EPAS1: variants seen among roughly 807,000 people sequenced by gnomAD.
The protein encoded by EPAS1 is endothelial PAS domain-containing protein 1.
Under a neutral mutation model 87.9 loss-of-function variants are expected in EPAS1, and 23 were observed. The ratio of observed to expected loss-of-function variants is 0.26; its 90% CI spans 0.19 to 0.37. The LOEUF (loss-of-function observed/expected upper bound fraction) is 0.37, where lower values mean the gene tolerates loss of function less well. Ranked by LOEUF, EPAS1 falls within the 10% of genes least tolerant of loss-of-function variation. The pLI is 1.00. For synonymous variants in EPAS1, 508 were observed against 444.3 expected (o/e 1.14, Z -1.80); for missense variants, 1,138 against 1,120.7 (o/e 1.02, Z -0.22).
intron 1 of EPAS1, among the ~76,000 whole-genome samples, chr2:46,320,524 A>G (rs1354065782): frequency 3.3e-5 from 5 of 152,250 alleles, no homozygotes. Flanking sequence ...TTTGTGGGCT[A>G]ATGGAAAGAT....
chr2:46,386,664 G>T lies in EPAS1; in HGVS notation c.*2004G>T, dbSNP rs1685033290. On this transcript the variant is annotated 3_prime_UTR_variant, in exon 16 of 16. Coordinates refer to ENST00000263734, the MANE Select transcript of EPAS1 (RefSeq NM_001430.5). Reference sequence around the variant, plus strand: ...TTAACTTTATAAGGAAATGTATTTTGACACTGGTATCTTATTAAAGTATTC... The same window carrying T: ...TTAACTTTATAAGGAAATGTATTTTTACACTGGTATCTTATTAAAGTATTC... 6.6e-6 allele frequency: 1 copy of T among 152,610 alleles called. No individual in the cohort carries two copies. The highest frequency in any genetic ancestry group is 1.5e-5 in the Non-Finnish European group (1 of 68,030). The allele number at this position is 152,610 out of a possible 1,614,324, so 9.5% of individuals were successfully genotyped here.
chr2:46,376,628 A>G lies in EPAS1; in HGVS notation c.1124A>G (p.Asp375Gly), dbSNP rs1188009573. The change falls in exon 9 of 16, where the codon GAT becomes GGT. Residue 375 changes from aspartate to glycine, a missense_variant. Physicochemically the swap from Asp to Gly is moderately conservative, Grantham distance 94. Transcript: ENST00000263734. ...CTGATGGCCATGAACAGCATCTTTG[A>G]TAGCAGTGGCAAGGGGGCTGTGTCT... The part of the protein sequence containing the change: ...PHLMAMNSIF[D>G]SSGKGAVSEK... 4 of 1,614,040 alleles carry G rather than the reference A, an allele frequency of 2.5e-6. No homozygotes were observed. In the African/African-American group the frequency reaches 5.3e-5, roughly 22 times the overall value.
chr2:46,351,596 A>T (rs1684146325), intron 2 of EPAS1, among the ~76,000 whole-genome samples: 1 of 152,142 alleles, frequency 6.6e-6, no homozygotes, highest in Non-Finnish European at 1.5e-5. Flanking sequence ...GCTGTGGGTC[A>T]GGTGGAGGGG....
At position 46,297,868 on chromosome 2, in the gene EPAS1, CCCA is replaced by C. The variant is rs772473911; in HGVS notation, c.-43_-41del. ...CCACAGCCCCCCACCCGCCAGGGAG[CCCA>C]GGTGCTCGGCGTCTGAACGTCTCAA... On this transcript the variant is annotated 5_prime_UTR_variant, in exon 1 of 16. Coordinates refer to ENST00000263734, the MANE Select transcript of EPAS1 (RefSeq NM_001430.5). 44 of 1,601,712 alleles carry C rather than the reference CCCA, an allele frequency of 2.7e-5. No individual in the cohort carries two copies. The East Asian group carries it at 7.0e-4, about 26-fold the overall frequency.
chr2:46,309,046 C>T (rs1321280116), intron 1 of EPAS1, among the ~76,000 whole-genome samples: 1 of 152,168 alleles, frequency 6.6e-6, no homozygotes, highest in Non-Finnish European at 1.5e-5. Flanking sequence ...GTTCTTTTTT[C>T]CCCACAGAAG....
intron 7 of EPAS1, among the ~76,000 whole-genome samples, chr2:46,370,270 A>G (rs937430476): frequency 6.6e-6 from 1 of 152,240 alleles, no homozygotes; most frequent in Non-Finnish European, 1.5e-5. Context: ...CACCTTGTGG[A>G]ACAGCACTGT....
rs779989699 is a variant in EPAS1 at position 46,382,510 on chromosome 2, C to A, written c.2373C>A (p.Pro791=). ...PLPQPPSAIS[P]GENSKSRFPP... Reference sequence around the variant, plus strand: ...CACAGCCTCCATCTGCCATCAGTCCCGGGGAGAACAGCAAGAGCAGGTTCC... The same window carrying A: ...CACAGCCTCCATCTGCCATCAGTCCAGGGGAGAACAGCAAGAGCAGGTTCC... Residue 791 remains proline (P), a synonymous_variant, in exon 15 of 16, where the codon CCC becomes CCA. Transcript: ENST00000263734. The A allele has an allele frequency of 6.2e-7, 1 of 1,614,188 alleles. No homozygotes were observed. The highest frequency in any genetic ancestry group is 1.3e-5 in the African/African-American group (1 of 75,062).
chr2:46,347,485 C>A lies in EPAS1; in HGVS notation c.217+422C>A. The stretch of plus-strand genomic sequence containing the variant: ...CAGCAAGAAGGTGTGCCCGGATGAT[C>A]TTTTCCCTCTGAGAAGCCAGTTAGG... On this transcript the variant is annotated intron_variant, in intron 2 of 15. Coordinates refer to ENST00000263734, the MANE Select transcript of EPAS1 (RefSeq NM_001430.5). This position sits in a 1 kb window ranked among gnomAD's most constrained non-coding sequence, Gnocchi z 4.2. 3.8e-6 allele frequency: 1 copy of A among 264,916 alleles called. No homozygotes were observed. The highest frequency in any genetic ancestry group is 4.7e-5 in the South Asian group (1 of 21,136). The allele number at this position is 264,916 out of a possible 1,614,324, so 16.4% of individuals were successfully genotyped here. A position where few individuals can be genotyped will look rare whatever the true frequency, so the allele number is the denominator to read the frequency against.
At chr2:46,383,861 T>C (rs1209781987) in intron 15 of EPAS1, among the ~76,000 whole-genome samples, 1 of 152,124 alleles carries the variant, frequency 6.6e-6, no homozygotes, top group East Asian at 1.9e-4. Flanking sequence ...CAGGAGGCAA[T>C]GGCCACTGGA....
chr2:46,374,930 G>A (rs1012413571), intron 7 of EPAS1, among the ~76,000 whole-genome samples: 3 of 152,096 alleles, frequency 2.0e-5, no homozygotes, highest in Non-Finnish European at 4.4e-5. Flanking sequence ...CTAGCTGGGC[G>A]GTTGGGAGAA....
chr2:46,376,442 G>T (rs1482585828), intron 8 of EPAS1, 97 bp from the exon 9 acceptor site: 2 of 1,205,712 alleles, frequency 1.7e-6, no homozygotes, highest in Non-Finnish European at 1.2e-6. Context: ...CCCATTTTTT[G>T]TCGGAGAGCT....
At chr2:46,339,017 C>T (rs573841599) in intron 1 of EPAS1, among the ~76,000 whole-genome samples, 2 of 152,208 alleles carry the variant, frequency 1.3e-5, no homozygotes, top group East Asian at 3.9e-4. Context: ...ATACCTGATG[C>T]CAAGGTAGTT....
chr2:46,377,372 C>A (rs1228494323), intron 9 of EPAS1, among the ~76,000 whole-genome samples: 1 of 152,230 alleles, frequency 6.6e-6, no homozygotes, highest in Non-Finnish European at 1.5e-5. Context: ...CAGTTCGCAA[C>A]CCGCTGCCAC....
intron 1 of EPAS1, among the ~76,000 whole-genome samples, chr2:46,325,013 A>G (rs1390906574): frequency 6.6e-6 from 1 of 152,230 alleles, no homozygotes; most frequent in Non-Finnish European, 1.5e-5. Flanking sequence ...AGCTCTTAAC[A>G]TCGAAAGAGA....
rs1684874160 is a variant in EPAS1, at chr2:46,380,868, A to G, written c.2045+151A>G. On this transcript the variant is annotated intron_variant, in intron 12 of 15. Coordinates refer to ENST00000263734, the MANE Select transcript of EPAS1 (RefSeq NM_001430.5). The surrounding 1 kb of genome is among the most constrained non-coding windows in gnomAD (Gnocchi z 4.4). ...CTCTGAGCTCAGACTTTGGGGAATC[A>G]CCTCAAGCCATGTGAGGCCTAGTGT... The G allele has an allele frequency of 1.4e-6, 2 of 1,381,474 alleles. No homozygotes were observed. The highest frequency in any genetic ancestry group is 2.0e-6 in the Non-Finnish European group (2 of 1,005,876). 85.6% of individuals were successfully genotyped at this position (1,381,474 alleles called of 1,614,324 possible).
intron 2 of EPAS1, among the ~76,000 whole-genome samples, chr2:46,349,358 A>G (rs1402791798): frequency 6.6e-6 from 1 of 152,218 alleles, no homozygotes; most frequent in Non-Finnish European, 1.5e-5. Context: ...CCCTGAGCAC[A>G]TCTACCTGTG....
intron 1 of EPAS1, among the ~76,000 whole-genome samples, chr2:46,339,816 C>T (rs761771573): frequency 6.6e-6 from 1 of 152,194 alleles, no homozygotes; most frequent in Non-Finnish European, 1.5e-5. Context: ...GGCCCACTTT[C>T]TGGTTCATAG....
intron 1 of EPAS1, among the ~76,000 whole-genome samples, chr2:46,311,447 A>G (rs1423631200): frequency 6.6e-6 from 1 of 152,116 alleles, no homozygotes; most frequent in African/African-American, 2.4e-5. Flanking sequence ...CGCAGCCCAA[A>G]CTAAGGGACT....
intron 7 of EPAS1, among the ~76,000 whole-genome samples, chr2:46,373,380 C>T (rs1009538328): frequency 1.3e-5 from 2 of 152,146 alleles, no homozygotes; most frequent in Non-Finnish European, 2.9e-5. Context: ...ACAACTCAAA[C>T]ATCCATCAAC....
Sources: gnomAD v4.1 joint callset for allele counts (sites outside exome capture counted in the v4.1 genomes callset) on GRCh38, gnomAD v4.1.1 for gene constraint, Gnocchi (gnomAD v3.1) non-coding constraint, MANE v1.5 for transcripts, NCBI Gene and HGNC (gene_info 2026-07-23, HGNC 2026-07-21) for gene names.